Variants in WBP1L observed in about 807,000 individuals in gnomAD.
WBP1L encodes the protein WW domain binding protein 1-like.
WBP1L carries 17 observed loss-of-function variants against 33.7 expected under a neutral mutation model. That is an observed-to-expected ratio of 0.50 (90% CI 0.34 to 0.76). The LOEUF (loss-of-function observed/expected upper bound fraction) is 0.76, where lower values mean the gene tolerates loss of function less well. Ranked by LOEUF, WBP1L falls within the 30% of genes least tolerant of loss-of-function variation. The pLI is 0.01. For missense variants in WBP1L, 389 were observed against 469.4 expected (o/e 0.83, Z 1.58); for synonymous variants, 173 against 190.8 (o/e 0.91, Z 0.77).
chr10:102,775,117 CAAAAAAAAAAA>C (rs59486422), intron 1 of WBP1L, among the ~76,000 whole-genome samples: 2 of 97,328 alleles, frequency 2.1e-5, no homozygotes, highest in Non-Finnish European at 3.7e-5. Context: ...GACCCTATCT[CAAAAAAAAAAA>C]AAAAAAAAAA....
chr10:102,758,029 C>T (rs1297606059), intron 1 of WBP1L, among the ~76,000 whole-genome samples: 4 of 151,058 alleles, frequency 2.6e-5, no homozygotes, highest in Admixed American at 2.0e-4. Flanking sequence ...GGACTACAGG[C>T]GCCCGCTACC....
intron 3 of WBP1L, among the ~76,000 whole-genome samples, chr10:102,810,317 T>G (rs891472427): frequency 2.6e-5 from 4 of 152,124 alleles, no homozygotes; most frequent in African/African-American, 9.7e-5. Flanking sequence ...GATCTCTGCT[T>G]CTTTAGCACC....
chr10:102,769,885 A>C (rs1432639928), intron 1 of WBP1L, among the ~76,000 whole-genome samples: 1 of 152,208 alleles, frequency 6.6e-6, no homozygotes, highest in Non-Finnish European at 1.5e-5. Flanking sequence ...GGAAAGCACC[A>C]TGGGTTTTTA....
rs192529167 is a variant in WBP1L, at chr10:102,747,342, G to A, written c.90+3199G>A. ...GCCACTGCACTCTAGCCTGGTGACA[G>A]AGCGAGACTCCGTCTCAAAAAAAAA... On this transcript the variant is annotated intron_variant, in intron 1 of 3. Transcript: ENST00000448841. 8.7e-5 allele frequency among the ~76,000 whole-genome samples: 11 copies of A among 126,362 alleles called. No homozygotes were observed. In the East Asian group the frequency reaches 2.2e-3, roughly 25 times the overall value. The allele number at this position is 126,362 out of a possible 152,430, so 82.9% of individuals were successfully genotyped here.
At position 102,751,499 on chromosome 10, in the gene WBP1L, A is replaced by C. The variant is rs140920797; in HGVS notation, c.90+7356A>C. Among the ~76,000 whole-genome samples, 7 of 149,282 alleles carry C rather than the reference A, an allele frequency of 4.7e-5. No individual in the cohort carries two copies. In the East Asian group the frequency reaches 1.4e-3, roughly 30 times the overall value. ...ATTTTTGTATTTTTTGTAGAGATGG[A>C]GTTTCACCACGTTGGCCAGGCTGGT... On this transcript the variant is annotated intron_variant, in intron 1 of 3. Transcript: ENST00000448841.
chr10:102,786,007 G>GCAAAA (rs1843410046), intron 1 of WBP1L, among the ~76,000 whole-genome samples: 2 of 152,214 alleles, frequency 1.3e-5, no homozygotes, highest in Non-Finnish European at 2.9e-5. Flanking sequence ...TTTGCTGTGG[G>GCAAAA]ATTTTCCTAC....
Position 102,752,485 on chromosome 10 carries a change from A to G in WBP1L, c.90+8342A>G, listed in dbSNP as rs537953130. Among the ~76,000 whole-genome samples the G allele has an allele frequency of 2.0e-5, 3 of 152,290 alleles. No individual in the cohort carries two copies. The East Asian group carries it at 5.8e-4, about 29-fold the overall frequency. On this transcript the variant is annotated intron_variant, in intron 1 of 3. Transcript: ENST00000448841. Reference sequence around the variant, plus strand: ...GTCAGCCAACATCAAACATTTTGAAAACACGTTTTTTTGATTTGTGATTCA... The same window carrying G: ...GTCAGCCAACATCAAACATTTTGAAGACACGTTTTTTTGATTTGTGATTCA...
intron 1 of WBP1L, among the ~76,000 whole-genome samples, chr10:102,766,831 CAAAA>C (rs60853653): frequency 6.9e-6 from 1 of 145,074 alleles, no homozygotes; most frequent in Non-Finnish European, 1.5e-5. Flanking sequence ...GACTCTGTCT[CAAAA>C]AAAAAAAAAG....
At chr10:102,806,209 C>T (rs1018949730) in intron 2 of WBP1L, among the ~76,000 whole-genome samples, 1 of 143,398 alleles carries the variant, frequency 7.0e-6, no homozygotes, top group African/African-American at 2.6e-5. Flanking sequence ...GACCCTGTCT[C>T]AAAAAATAAA....
chr10:102,743,978 A>G lies in WBP1L; in HGVS notation c.-76A>G. On this transcript the variant is annotated 5_prime_UTR_variant, in exon 1 of 4. Coordinates refer to ENST00000448841, the MANE Select transcript of WBP1L (RefSeq NM_001083913.2). ...ACAGGAAAAGAAGGGAAGAAGGAAGAAGAGGGTAGAGGAGGAGAGGGAGGA... is the reference window on the plus strand; with the variant it reads ...ACAGGAAAAGAAGGGAAGAAGGAAGGAGAGGGTAGAGGAGGAGAGGGAGGA... 1 of 1,102,896 alleles carries G rather than the reference A, an allele frequency of 9.1e-7. No homozygotes were observed. 68.3% of individuals were successfully genotyped at this position (1,102,896 alleles called of 1,614,324 possible). A position where few individuals can be genotyped will look rare whatever the true frequency, so the allele number is the denominator to read the frequency against.
At chr10:102,750,076 C>T (rs1842910643) in intron 1 of WBP1L, among the ~76,000 whole-genome samples, 1 of 151,800 alleles carries the variant, frequency 6.6e-6, no homozygotes, top group South Asian at 2.1e-4. Context: ...GCGACCACGC[C>T]TGGCTGCCCA....
chr10:102,771,426 C>T (rs1327610661), intron 1 of WBP1L, among the ~76,000 whole-genome samples: 1 of 151,966 alleles, frequency 6.6e-6, no homozygotes, highest in Non-Finnish European at 1.5e-5. Context: ...GTGGCTCAGT[C>T]CTGATGTCCT....
chr10:102,753,777 A>G (rs1228510980), intron 1 of WBP1L, among the ~76,000 whole-genome samples: 1 of 152,192 alleles, frequency 6.6e-6, no homozygotes, highest in Non-Finnish European at 1.5e-5. Context: ...GAAGAGGTAA[A>G]AATAAATGTA....
rs1040008663 is a variant in WBP1L at position 102,784,067 on chromosome 10, C to T, written c.91-13926C>T. Reference sequence around the variant, plus strand: ...AGGTACAGAGTCATTTTTTGTGGGCCAGTAGATATGACCAAGCCCATCTGA... The same window carrying T: ...AGGTACAGAGTCATTTTTTGTGGGCTAGTAGATATGACCAAGCCCATCTGA... On this transcript the variant is annotated intron_variant, in intron 1 of 3. Transcript: ENST00000448841. Among the ~76,000 whole-genome samples the T allele has an allele frequency of 2.0e-5, 3 of 151,906 alleles. 1 individual carries two copies. Among genetic ancestry groups the T allele is most frequent in the Non-Finnish European group, 1.5e-5 (1 of 67,982 alleles).
At chr10:102,753,544 C>G (rs539746043) in intron 1 of WBP1L, among the ~76,000 whole-genome samples, 4 of 152,158 alleles carry the variant, frequency 2.6e-5, no homozygotes, top group African/African-American at 9.7e-5. Flanking sequence ...GCAGATCACC[C>G]GTCTTGCATG....
At chr10:102,775,649 C>T (rs529200051) in intron 1 of WBP1L, among the ~76,000 whole-genome samples, 7 of 152,278 alleles carry the variant, frequency 4.6e-5, no homozygotes, top group Non-Finnish European at 8.8e-5. Flanking sequence ...TCCAAGGTAG[C>T]GTGTCGTACC....
At chr10:102,766,293 T>C (rs1337328798) in intron 1 of WBP1L, among the ~76,000 whole-genome samples, 1 of 151,550 alleles carries the variant, frequency 6.6e-6, no homozygotes. Context: ...AATACAAAAA[T>C]TAGCTGGGCA....
chr10:102,775,263 C>T (rs1028151865), intron 1 of WBP1L, among the ~76,000 whole-genome samples: 7 of 152,182 alleles, frequency 4.6e-5, no homozygotes, highest in African/African-American at 9.6e-5. Flanking sequence ...GGATTCAGGC[C>T]GAGGGAGAGC....
At chr10:102,753,608 T>C (rs926503850) in intron 1 of WBP1L, among the ~76,000 whole-genome samples, 3 of 152,224 alleles carry the variant, frequency 2.0e-5, no homozygotes, top group African/African-American at 7.2e-5. Flanking sequence ...ATAGCTCTGA[T>C]TTATTTACTT....
Sources: gnomAD v4.1 joint callset for allele counts (sites outside exome capture counted in the v4.1 genomes callset) on GRCh38, gnomAD v4.1.1 for gene constraint, MANE v1.5 for transcripts, NCBI Gene and HGNC (gene_info 2026-07-23, HGNC 2026-07-21) for gene names.